Variants in PRKCA observed in about 807,000 individuals in gnomAD.
PRKCA encodes protein kinase C alpha.
PRKCA carries 27 observed loss-of-function variants against 87.0 expected under a neutral mutation model. That is an observed-to-expected ratio of 0.31 (90% confidence interval 0.23 to 0.43). The LOEUF (loss-of-function observed/expected upper bound fraction) is 0.43. Among genes scored for constraint, PRKCA ranks in the 20% least tolerant of loss-of-function variants. The pLI is 1.00. For synonymous variants in PRKCA, 329 were observed against 311.1 expected, an observed-to-expected ratio of 1.06 and a Z score of -0.61; for missense variants, 518 against 852.3, an observed-to-expected ratio of 0.61 and a Z score of 4.88.
chr17:66,420,115 G>A (rs1369747765), intron 2 of PRKCA, among the ~76,000 whole-genome samples: 2 of 150,940 alleles, frequency 1.3e-5, no homozygotes, highest in East Asian at 2.0e-4. Context: ...GAGTTCAAGC[G>A]ATTCCCCTGC....
At chr17:66,370,730 T>C (rs1444652298) in intron 2 of PRKCA, among the ~76,000 whole-genome samples, 1 of 151,976 alleles carries the variant, frequency 6.6e-6, no homozygotes, top group African/African-American at 2.4e-5. Flanking sequence ...TTTTATGTTT[T>C]GTAGAGACGG....
chr17:66,336,641 GTAAATTATTAAA>G (rs1567777746), intron 2 of PRKCA, among the ~76,000 whole-genome samples: 8 of 131,860 alleles, frequency 6.1e-5, no homozygotes, highest in African/African-American at 3.2e-4. Context: ...CTGTTATATA[GTAAATTATTAAA>G]CATTTGCCTA....
chr17:66,370,831 A>G (rs186063779), intron 2 of PRKCA, among the ~76,000 whole-genome samples: 1 of 152,100 alleles, frequency 6.6e-6, no homozygotes, highest in African/African-American at 2.4e-5. Context: ...TCAGAGAAGA[A>G]TATTGATGCC....
intron 2 of PRKCA, among the ~76,000 whole-genome samples, chr17:66,462,424 A>G (rs1914894857): frequency 6.6e-6 from 1 of 152,212 alleles, no homozygotes; most frequent in Admixed American, 6.5e-5. Flanking sequence ...CCTTAACATA[A>G]TAATTACTTC....
intron 3 of PRKCA, among the ~76,000 whole-genome samples, chr17:66,618,931 A>C (rs1443695058): frequency 1.3e-5 from 2 of 151,938 alleles, no homozygotes; most frequent in Non-Finnish European, 2.9e-5. Context: ...CAACTTTTAG[A>C]ATCTTGAGAC....
chr17:66,492,401 G>A (rs1916286315), intron 2 of PRKCA, among the ~76,000 whole-genome samples: 1 of 152,158 alleles, frequency 6.6e-6, no homozygotes, highest in Non-Finnish European at 1.5e-5. Flanking sequence ...GCATTGACCT[G>A]CAAATCATAG....
At chr17:66,641,823 C>G (rs9916470) in intron 4 of PRKCA, among the ~76,000 whole-genome samples, 199 of 151,870 alleles carry the variant, frequency 1.3e-3, no homozygotes, top group African/African-American at 4.6e-3. Context: ...GTTATAGCTT[C>G]AAAATAAGCC....
intron 2 of PRKCA, among the ~76,000 whole-genome samples, chr17:66,431,062 C>A (rs1245831422): frequency 2.0e-5 from 3 of 152,124 alleles, no homozygotes; most frequent in Non-Finnish European, 4.4e-5. Flanking sequence ...CACAGCCAGC[C>A]CTTATTGTTC....
At chr17:66,354,452 G>A (rs1464365153) in intron 2 of PRKCA, among the ~76,000 whole-genome samples, 2 of 152,166 alleles carry the variant, frequency 1.3e-5, no homozygotes, top group African/African-American at 4.8e-5. Context: ...AAACGGCTTT[G>A]TAGGATCTAA....
At position 66,810,585 on chromosome 17, in the gene PRKCA, C is replaced by T. The variant is rs1976141622; in HGVS notation, c.*6548C>T. 6.6e-6 allele frequency: 1 copy of T among 152,142 alleles called. No individual in the cohort carries two copies. Among genetic ancestry groups the T allele is most frequent in the Non-Finnish European group, 1.5e-5 (1 of 68,024 alleles). The allele number at this position is 152,142 out of a possible 1,614,324, so 9.4% of individuals were successfully genotyped here. A position where few individuals can be genotyped will look rare whatever the true frequency, so the allele number is the denominator to read the frequency against. On this transcript the variant is annotated 3_prime_UTR_variant, in exon 17 of 17. Transcript: ENST00000413366. Reference sequence around the variant, plus strand: ...TAGAGGCCATTCAACCGTCAAACACCATTTGGTTATATCGCAGAGGAGACG... The same window carrying T: ...TAGAGGCCATTCAACCGTCAAACACTATTTGGTTATATCGCAGAGGAGACG...
intron 3 of PRKCA, among the ~76,000 whole-genome samples, chr17:66,614,869 T>C (rs1424988699): frequency 6.6e-6 from 1 of 152,200 alleles, no homozygotes; most frequent in African/African-American, 2.4e-5. Flanking sequence ...GGCATATCAG[T>C]TAAGAATTGG....
At chr17:66,510,321 A>G (rs932192755) in intron 3 of PRKCA, among the ~76,000 whole-genome samples, 5 of 152,186 alleles carry the variant, frequency 3.3e-5, no homozygotes, top group African/African-American at 1.2e-4. Context: ...CAGTGCTTGA[A>G]GTTTAAGCCT....
intron 2 of PRKCA, among the ~76,000 whole-genome samples, chr17:66,456,490 A>G (rs1429096116): frequency 1.3e-5 from 2 of 152,162 alleles, no homozygotes; most frequent in African/African-American, 4.8e-5. Context: ...GGAATAGTCA[A>G]AGATCCTGCC....
At chr17:66,678,591 C>A (rs7222680) in intron 5 of PRKCA, among the ~76,000 whole-genome samples, 1 of 151,516 alleles carries the variant, frequency 6.6e-6, no homozygotes, top group Admixed American at 6.6e-5. Flanking sequence ...ATCTGGCAGG[C>A]ACCCCACACC....
intron 16 of PRKCA, 141 bp downstream of exon 16, chr17:66,789,120 G>C: frequency 9.5e-7 from 1 of 1,051,296 alleles, no homozygotes; most frequent in Non-Finnish European, 1.4e-6. Flanking sequence ...TTTCAGCCTT[G>C]TCCTCAGTCC....
At chr17:66,672,100 G>A (rs1218505591) in intron 5 of PRKCA, among the ~76,000 whole-genome samples, 1 of 152,162 alleles carries the variant, frequency 6.6e-6, no homozygotes, top group East Asian at 1.9e-4. Context: ...GTTTTTGTAA[G>A]CCTAAAAGAA....
intron 2 of PRKCA, among the ~76,000 whole-genome samples, chr17:66,406,585 G>GTTTTGTTTTT (rs1911400209): frequency 4.3e-5 from 3 of 70,180 alleles, no homozygotes; most frequent in Non-Finnish European, 5.5e-5. Context: ...GCTTTTCCAG[G>GTTTTGTTTTT]TTTTTTTTTT....
intron 8 of PRKCA, among the ~76,000 whole-genome samples, chr17:66,731,340 A>G (rs897368186): frequency 1.5e-5 from 2 of 132,714 alleles, no homozygotes; most frequent in African/African-American, 3.1e-5. Context: ...CAAGAGCAAA[A>G]CTCCGTCTCA....
chr17:66,314,380 A>G lies in PRKCA; in HGVS notation c.205+8253A>G, dbSNP rs138902491. On this transcript the variant is annotated intron_variant, in intron 2 of 16. Coordinates refer to ENST00000413366, the MANE Select transcript of PRKCA (RefSeq NM_002737.3). ...TTGGCTGTGTCTAGTAGAAATTGCTATAACTGCATTAAAAAAACTCTTTAT... is the reference window on the plus strand; with the variant it reads ...TTGGCTGTGTCTAGTAGAAATTGCTGTAACTGCATTAAAAAAACTCTTTAT... Among the ~76,000 whole-genome samples, 100 of 152,312 alleles carry G rather than the reference A, an allele frequency of 6.6e-4. 1 individual carries two copies. The highest frequency in any genetic ancestry group is 2.3e-3 in the African/African-American group (97 of 41,558).
Sources: allele counts gnomAD v4.1 joint callset (sites outside exome capture counted in the v4.1 genomes callset), GRCh38; gene constraint gnomAD v4.1.1; transcripts MANE v1.5; gene names NCBI Gene and HGNC (gene_info 2026-07-23, HGNC 2026-07-21).